PER3: variants seen among roughly 807,000 people sequenced by gnomAD.
PER3 encodes period circadian protein homolog 3.
PER3 carries 107 observed loss-of-function variants against 127.2 expected under a neutral mutation model. The ratio of observed to expected loss-of-function variants is 0.84; its 90% CI spans 0.72 to 0.99. The LOEUF is 0.99. PER3 is among the 50% of genes least tolerant of loss of function. The pLI, the probability that PER3 is intolerant of heterozygous loss-of-function variation, is 0.00. For synonymous variants in PER3, 618 were observed against 585.8 expected, an observed-to-expected ratio of 1.05 and a Z score of -0.79; for missense variants, 1,560 against 1,525.8, an observed-to-expected ratio of 1.02 and a Z score of -0.37.
intron 5 of PER3, among the ~76,000 whole-genome samples, chr1:7,791,327 G>A (rs2097119894): frequency 6.6e-6 from 1 of 152,212 alleles, no homozygotes. Context: ...AGCTGCCAAG[G>A]AATAGGGCTT....
intron 5 of PER3, among the ~76,000 whole-genome samples, chr1:7,790,999 G>C (rs991584356): frequency 2.0e-5 from 3 of 152,222 alleles, no homozygotes; most frequent in African/African-American, 7.2e-5. Context: ...TGGTTTCATG[G>C]GCTGGCATTG....
At chr1:7,793,020 G>T (rs2097128976) in intron 5 of PER3, among the ~76,000 whole-genome samples, 1 of 152,160 alleles carries the variant, frequency 6.6e-6, no homozygotes, top group Non-Finnish European at 1.5e-5. Flanking sequence ...CTTTATTAAT[G>T]CTTTCTGACT....
intron 5 of PER3, among the ~76,000 whole-genome samples, chr1:7,791,298 A>G (rs1223517186): frequency 6.6e-6 from 1 of 152,240 alleles, no homozygotes. Flanking sequence ...GCACACCTGC[A>G]GGACCAACAC....
rs1213178537 is a variant in PER3 at position 7,819,407 on chromosome 1, G to A, written c.1645G>A (p.Asp549Asn). 7.4e-6 allele frequency: 12 copies of A among 1,613,912 alleles called. No homozygotes were observed. The highest frequency in any genetic ancestry group is 2.7e-5 in the African/African-American group (2 of 74,922). ...ATCCTATCAACAGATCAACTGTATC[G>A]ACAGTGTCATCAGGTATGAGACCGC... ...SPSYQQINCI[D>N]SVIRYLKSYN... Residue 549 changes from aspartate to asparagine, a missense_variant, in exon 14 of 22, where the codon GAC becomes AAC. Physicochemically the swap from Asp to Asn is conservative, Grantham distance 23. This residue lies in a region of PER3 where 1,332 missense variants were observed against 1,223.6 expected (regional missense o/e 1.09). Coordinates refer to ENST00000377532, the MANE Select transcript of PER3 (RefSeq NM_001377275.1).
Position 7,803,094 on chromosome 1 carries a change from C to T in PER3, c.920C>T (p.Ser307Leu), listed in dbSNP as rs770930376. The change falls in exon 9 of 22, where the codon TCG becomes TTG. Residue 307 changes from serine to leucine, a missense_variant. Coordinates refer to ENST00000377532, the MANE Select transcript of PER3 (RefSeq NM_001377275.1). ...GYLPQDLIGT[S>L]ILSYLHPEDR... is the part of the protein sequence containing the mutation. Reference sequence around the variant, plus strand: ...CTACCTCAGGACCTGATTGGAACATCGATCCTAAGCTACCTGCACCCTGAA... The same window carrying T: ...CTACCTCAGGACCTGATTGGAACATTGATCCTAAGCTACCTGCACCCTGAA... 26 of 1,613,620 alleles carry T rather than the reference C, an allele frequency of 1.6e-5. No homozygotes were observed. Among genetic ancestry groups the T allele is most frequent in the Non-Finnish European group, 2.0e-5 (24 of 1,179,558 alleles).
chr1:7,827,036 CTTA>C, intron 17 of PER3, 79 bp from the exon 18 acceptor site: 1 of 1,109,478 alleles, frequency 9.0e-7, no homozygotes. Flanking sequence ...TCGTCAGCTA[CTTA>C]TAACTACCTG....
At chr1:7,806,023 G>A (rs228644) in intron 10 of PER3, among the ~76,000 whole-genome samples, 54,088 of 152,006 alleles carry the variant, frequency 0.36, 10,164 homozygotes, top group Middle Eastern at 0.6. Context: ...ATAAAGCTCT[G>A]TGTAAGACAG....
At position 7,827,856 on chromosome 1, in the gene PER3, A is replaced by G. The variant is rs187027055; in HGVS notation, c.2886+41A>G. 102 of 1,473,960 alleles carry G rather than the reference A, an allele frequency of 6.9e-5. No homozygotes were observed. The East Asian group carries it at 1.9e-3, about 28-fold the overall frequency. 91.3% of individuals were successfully genotyped at this position (1,473,960 alleles called of 1,614,324 possible). The stretch of plus-strand genomic sequence containing the variant: ...TTTCAACACTCAAGTGAGAAAGTGA[A>G]TATCTTACTAAAGTTAAGGTGGTTG... On this transcript the variant is annotated intron_variant, in intron 18 of 21. Transcript: ENST00000377532.
chr1:7,802,930 G>C (rs2097176639), intron 8 of PER3, 117 bp from the exon 9 acceptor site: 55 of 717,728 alleles, frequency 7.7e-5, no homozygotes, highest in South Asian at 7.0e-4. Context: ...TAAATGCTAA[G>C]ATAAACAGCT....
chr1:7,794,408 G>C (rs2097135760), intron 6 of PER3, among the ~76,000 whole-genome samples: 1 of 152,134 alleles, frequency 6.6e-6, no homozygotes, highest in South Asian at 2.1e-4. Context: ...CAGGAGAATA[G>C]CTTGAACCTG....
intron 14 of PER3, 145 bp downstream of exon 14, chr1:7,819,565 T>TA: frequency 2.9e-6 from 2 of 698,650 alleles, no homozygotes; most frequent in Non-Finnish European, 4.9e-6. Flanking sequence ...GCCTAACACA[T>TA]ACGCTGAACA....
intron 16 of PER3, among the ~76,000 whole-genome samples, chr1:7,822,262 T>C (rs2097280425): frequency 6.6e-6 from 1 of 151,822 alleles, no homozygotes; most frequent in South Asian, 2.1e-4. Context: ...AAAAAAATTT[T>C]TTTTTTTTTT....
Position 7,803,810 on chromosome 1 carries a change from G to A in PER3, c.1098G>A (p.Arg366=). 1.2e-6 allele frequency: 2 copies of A among 1,613,890 alleles called. No homozygotes were observed. The highest frequency in any genetic ancestry group is 1.7e-6 in the Non-Finnish European group (2 of 1,179,872). ...CCAGCTTTGTGAATCCCTGGAGCCG[G>A]AAGATTTCTTTCATCATTGGTCGGC... ...SWSSFVNPWS[R]KISFIIGRHK... The change falls in exon 10 of 22, where the codon CGG becomes CGA. Residue 366 remains arginine, a synonymous_variant. Coordinates refer to ENST00000377532, the MANE Select transcript of PER3 (RefSeq NM_001377275.1).
intron 19 of PER3, among the ~76,000 whole-genome samples, chr1:7,832,847 T>G (rs1239761328): frequency 1.3e-5 from 2 of 151,160 alleles, no homozygotes; most frequent in Non-Finnish European, 3.0e-5. Flanking sequence ...ATTTTTTTTT[T>G]TTTTTTTTGG....
At chr1:7,794,864 T>C (rs112590450) in intron 6 of PER3, among the ~76,000 whole-genome samples, 1 of 150,490 alleles carries the variant, frequency 6.6e-6, no homozygotes, top group Non-Finnish European at 1.5e-5. Flanking sequence ...ATATACATAA[T>C]ATATAATTAT....
At position 7,827,350 on chromosome 1, in the gene PER3, C is replaced by A; in HGVS notation, c.2421C>A (p.Val807=). The change falls in exon 18 of 22, where the codon GTC becomes GTA. Residue 807 remains valine, a synonymous_variant. Coordinates refer to ENST00000377532, the MANE Select transcript of PER3 (RefSeq NM_001377275.1). The part of the protein sequence containing the change: ...AMVPSQAPYL[V]PAFPLPAATS... ...TGCCCAGCCAGGCCCCTTACCTCGT[C>A]CCAGCTTTTCCCCTCCCAGCCGCGA... is the stretch of plus-strand genomic sequence containing the variant. 3 of 1,614,100 alleles carry A rather than the reference C, an allele frequency of 1.9e-6. No individual in the cohort carries two copies. Among genetic ancestry groups the A allele is most frequent in the Non-Finnish European group, 2.5e-6 (3 of 1,180,024 alleles).
chr1:7,789,431 GCTCT>G (rs1265152930), intron 5 of PER3, among the ~76,000 whole-genome samples: 6 of 152,226 alleles, frequency 3.9e-5, no homozygotes, highest in Admixed American at 2.6e-4. Flanking sequence ...CTCTGCACAA[GCTCT>G]CTCTCTTTGC....
rs371677681 is a variant in PER3, at chr1:7,820,265, A to C, written c.1783+26A>C. 127 of 1,602,960 alleles carry C rather than the reference A, an allele frequency of 7.9e-5. No homozygotes were observed. The African/African-American group carries it at 1.6e-3, about 21-fold the overall frequency. On this transcript the variant is annotated intron_variant, in intron 15 of 21. Transcript: ENST00000377532. ...GTAACAAGAATGCCCCTCAGAGTTA[A>C]ATTCAAAGAACTGTAAATACATCCT...
At chr1:7,786,956 G>A (rs941542791) in intron 4 of PER3, 120 bp downstream of exon 4, 2 of 660,784 alleles carry the variant, frequency 3.0e-6, no homozygotes, top group Non-Finnish European at 5.5e-6. Flanking sequence ...GAGAAGCAAA[G>A]GAGGAACTGC....
Sources: gnomAD v4.1 joint callset for allele counts (sites outside exome capture counted in the v4.1 genomes callset) on GRCh38, gnomAD v4.1.1 for gene constraint, gnomAD v4.1.1 regional missense constraint, MANE v1.5 for transcripts, NCBI Gene and HGNC (gene_info 2026-07-23, HGNC 2026-07-21) for gene names.